The following LZTFL1 variants were observed in gnomAD, a reference collection of about 807,000 sequenced individuals.
The protein encoded by LZTFL1 is leucine zipper transcription factor like 1, also known as leucine zipper transcription factor-like protein 1.
Under a neutral mutation model 45.9 loss-of-function variants are expected in LZTFL1, and 25 were observed. That is an observed-to-expected ratio of 0.54 (90% CI 0.40 to 0.76). The LOEUF (loss-of-function observed/expected upper bound fraction) is 0.76, where lower values mean the gene tolerates loss of function less well. Among genes scored for constraint, LZTFL1 ranks in the 30% least tolerant of loss-of-function variants. The pLI, the probability that LZTFL1 is intolerant of heterozygous loss-of-function variation, is 0.00. For synonymous variants in LZTFL1, 93 were observed against 117.4 expected, an observed-to-expected ratio of 0.79 and a Z score of 1.35; for missense variants, 277 against 331.1, an observed-to-expected ratio of 0.84 and a Z score of 1.27.
chr3:45,828,570 C>T lies in LZTFL1; in HGVS notation c.646G>A (p.Ala216Thr), dbSNP rs146191659. 530 of 1,614,056 alleles carry T rather than the reference C, an allele frequency of 3.3e-4. 6 individuals carry two copies. The South Asian group carries it at 5.1e-3, about 16-fold the overall frequency. Residue 216 changes from alanine (A) to threonine (T), a missense_variant, in exon 8 of 10, where the codon GCT becomes ACT. By Grantham distance (58) the Ala-to-Thr change is moderately conservative (BLOSUM62 0). Transcript: ENST00000296135. Reference sequence around the variant, plus strand: ...TTCTGAAACTCACTCTTTAAGGCAGCGACAGTGTTTTCTAAGTTACTTAAG... The same window carrying T: ...TTCTGAAACTCACTCTTTAAGGCAGTGACAGTGTTTTCTAAGTTACTTAAG... ...QDLSNLENTV[A>T]ALKSEFQKTL...
intron 4 of LZTFL1, among the ~76,000 whole-genome samples, chr3:45,833,397 GAAGA>G (rs1700882181): frequency 6.6e-6 from 1 of 152,040 alleles, no homozygotes; most frequent in Non-Finnish European, 1.5e-5. Flanking sequence ...GAAAATGAGG[GAAGA>G]AAGGAGGGAC....
intron 2 of LZTFL1, among the ~76,000 whole-genome samples, chr3:45,860,950 G>C (rs1701478450): frequency 6.6e-6 from 1 of 152,120 alleles, no homozygotes; most frequent in South Asian, 2.1e-4. Context: ...TTGCCAACAT[G>C]TTTGTGCTTG....
chr3:45,902,099 G>T, intron 2 of LZTFL1: 1 of 535,058 alleles, frequency 1.9e-6, no homozygotes, highest in Non-Finnish European at 3.3e-6. Flanking sequence ...GCTGTTGATT[G>T]GCTCTTGACT....
chr3:45,913,113 G>A, intron 2 of LZTFL1: 1 of 1,536,024 alleles, frequency 6.5e-7, no homozygotes, highest in Non-Finnish European at 8.7e-7. Context: ...AAATGGTTCA[G>A]ACTTACCATC....
rs1700696436 is a variant in LZTFL1 at position 45,827,418 on chromosome 3, G to A, written c.819C>T (p.Asn273=). 2 of 1,613,804 alleles carry A rather than the reference G, an allele frequency of 1.2e-6. No homozygotes were observed. Among genetic ancestry groups the A allele is most frequent in the Non-Finnish European group, 1.7e-6 (2 of 1,179,820 alleles). ...TCTTCTTGGTAAGAATCTCTTTCAT[G>A]TTTCGATAAGCTGCTGTTTGCTGAA... ...KKFQQTAAYR[N]MKEILTKKND... The change falls in exon 9 of 10, where the codon AAC becomes AAT. Residue 273 remains asparagine, a synonymous_variant. Transcript: ENST00000296135.
At chr3:45,855,521 C>G (rs1242337900) in intron 3 of LZTFL1, among the ~76,000 whole-genome samples, 1 of 152,108 alleles carries the variant, frequency 6.6e-6, no homozygotes, top group Admixed American at 6.5e-5. Context: ...GATGCCCTCT[C>G]TCACCACCCT....
chr3:45,904,469 T>A (rs1445349100), intron 2 of LZTFL1, among the ~76,000 whole-genome samples: 2 of 152,204 alleles, frequency 1.3e-5, no homozygotes, highest in Non-Finnish European at 2.9e-5. Flanking sequence ...TGAGTTGCCC[T>A]GATTGCATCC....
At chr3:45,870,833 T>C (rs1400813116) in intron 2 of LZTFL1, among the ~76,000 whole-genome samples, 4 of 152,252 alleles carry the variant, frequency 2.6e-5, no homozygotes, top group Non-Finnish European at 4.4e-5. Context: ...AGCTAAGCAC[T>C]GTGGCTATTT....
intron 1 of LZTFL1, chr3:45,915,371 C>T (rs1216441066): frequency 5.3e-6 from 2 of 377,536 alleles, no homozygotes; most frequent in South Asian, 1.9e-5. Flanking sequence ...TTCTCCCTCA[C>T]CAGCTTTCCT....
At chr3:45,857,198 G>C (rs1371044135) in intron 3 of LZTFL1, among the ~76,000 whole-genome samples, 1 of 152,178 alleles carries the variant, frequency 6.6e-6, no homozygotes, top group East Asian at 1.9e-4. Context: ...CCATAAAAAG[G>C]AACAAGTTAA....
chr3:45,843,858 G>A (rs373365007), upstream of LZTFL1, among the ~76,000 whole-genome samples: 81 of 152,270 alleles, frequency 5.3e-4, 1 homozygote, highest in African/African-American at 1.9e-3. Flanking sequence ...TTACTAGTGC[G>A]GGTTGGTCAC....
At chr3:45,839,238 A>G (rs9844499) in intron 1 of LZTFL1, among the ~76,000 whole-genome samples, 10,495 of 152,022 alleles carry the variant, frequency 0.069, 437 homozygotes, top group Non-Finnish European at 0.083. Flanking sequence ...ACAGGCGCCC[A>G]CCACCACGCC....
intron 2 of LZTFL1, among the ~76,000 whole-genome samples, chr3:45,911,999 A>G (rs1213401688): frequency 6.6e-6 from 1 of 152,274 alleles, no homozygotes; most frequent in Non-Finnish European, 1.5e-5. Context: ...CACCAACTCC[A>G]AAGCCCCACC....
chr3:45,884,775 T>C (rs1197891218), intron 2 of LZTFL1, among the ~76,000 whole-genome samples: 1 of 152,126 alleles, frequency 6.6e-6, no homozygotes, highest in Non-Finnish European at 1.5e-5. Flanking sequence ...AAGGACGCAA[T>C]CAAACACGGG....
At chr3:45,851,568 C>T (rs778160856) in intron 4 of LZTFL1, among the ~76,000 whole-genome samples, 1 of 152,080 alleles carries the variant, frequency 6.6e-6, no homozygotes, top group Non-Finnish European at 1.5e-5. Flanking sequence ...GCCCATCAGT[C>T]CTTCTCTTTG....
intron 2 of LZTFL1, among the ~76,000 whole-genome samples, chr3:45,865,710 G>A (rs945268825): frequency 2.6e-5 from 4 of 152,180 alleles, no homozygotes; most frequent in Non-Finnish European, 5.9e-5. Flanking sequence ...ATGTAAAAAT[G>A]ATACAGTCAT....
intron 5 of LZTFL1, among the ~76,000 whole-genome samples, chr3:45,832,330 T>C (rs758337704): frequency 6.6e-6 from 1 of 152,182 alleles, no homozygotes; most frequent in African/African-American, 2.4e-5. Flanking sequence ...TAGCATAATG[T>C]TGAGAATACA....
intron 2 of LZTFL1, among the ~76,000 whole-genome samples, chr3:45,910,439 G>C (rs998239927): frequency 6.6e-6 from 1 of 152,206 alleles, no homozygotes; most frequent in Non-Finnish European, 1.5e-5. Flanking sequence ...TCAGCAGAGA[G>C]CAAGTCTGGG....
chr3:45,885,195 T>C (rs1294595473), intron 2 of LZTFL1, among the ~76,000 whole-genome samples: 2 of 152,142 alleles, frequency 1.3e-5, no homozygotes, highest in South Asian at 2.1e-4. Context: ...CAGAGCGGCA[T>C]TGAGTCCTCG....
Sources: gnomAD v4.1 joint callset for allele counts (sites outside exome capture counted in the v4.1 genomes callset) on GRCh38, gnomAD v4.1.1 for gene constraint, MANE v1.5 for transcripts, NCBI Gene and HGNC (gene_info 2026-07-23, HGNC 2026-07-21) for gene names.